SLC25A4: variants seen among roughly 807,000 people sequenced by gnomAD.
SLC25A4 encodes the protein ADP/ATP translocase 1.
A neutral mutation model predicts 24.7 loss-of-function variants in SLC25A4; 10 were observed. The ratio of observed to expected loss-of-function variants is 0.41; its 90% confidence interval spans 0.25 to 0.69. The LOEUF is 0.69. SLC25A4 is among the 30% of genes least tolerant of loss of function. The pLI is 0.35. For missense variants in SLC25A4, 273 were observed against 387.6 expected (o/e 0.70, Z 2.48); for synonymous variants, 125 against 153.3 (o/e 0.82, Z 1.36).
intron 1 of SLC25A4, 137 bp from the exon 2 acceptor site, chr4:185,144,627 T>TC: frequency 1.3e-6 from 1 of 771,952 alleles, no homozygotes; most frequent in Non-Finnish European, 2.2e-6. Context: ...TTACACGTCC[T>TC]CAGTATCCAT....
Position 185,145,934 on chromosome 4 carries a change from GT to G in SLC25A4, c.739+39del. Reference sequence around the variant, plus strand: ...TGCTCTACTCATCTAAACTTGTTTGGTTTTGCCCGAGGAGAACATTTTACAG... The same window carrying G: ...TGCTCTACTCATCTAAACTTGTTTGGTTTGCCCGAGGAGAACATTTTACAG... On this transcript the variant is annotated intron_variant, in intron 3 of 3. Transcript: ENST00000281456. This position sits in a 1 kb window ranked among gnomAD's most constrained non-coding sequence, Gnocchi z 5.5. 6.2e-7 allele frequency: 1 copy of G among 1,613,222 alleles called. No individual in the cohort carries two copies. Among genetic ancestry groups the G allele is most frequent in the East Asian group, 2.2e-5 (1 of 44,882 alleles).
At chr4:185,144,641 A>G in intron 1 of SLC25A4, 123 bp from the exon 2 acceptor site, 1 of 894,846 alleles carries the variant, frequency 1.1e-6, no homozygotes, top group Non-Finnish European at 1.8e-6. Context: ...TATCCATTTG[A>G]TTTCCTCATC....
chr4:185,150,060 C>G lies in SLC25A4; in HGVS notation c.*3089C>G, dbSNP rs1328444299. On this transcript the variant is annotated 3_prime_UTR_variant, in exon 4 of 4. Coordinates refer to ENST00000281456, the MANE Select transcript of SLC25A4 (RefSeq NM_001151.4). The stretch of plus-strand genomic sequence containing the variant: ...TTGAGGCGGCATTTACTAAACACCC[C>G]CAAGGTGCAAGGCTGCAAGAGAATC... The G allele has an allele frequency of 6.6e-6, 1 of 152,238 alleles. No individual in the cohort carries two copies. The highest frequency in any genetic ancestry group is 1.5e-5 in the Non-Finnish European group (1 of 68,050). 9.4% of individuals were successfully genotyped at this position (152,238 alleles called of 1,614,324 possible).
chr4:185,146,494 T>TA (rs1288935558), intron 3 of SLC25A4, among the ~76,000 whole-genome samples: 8 of 152,198 alleles, frequency 5.3e-5, no homozygotes, highest in African/African-American at 1.7e-4. Context: ...CGGTCCTCCA[T>TA]AAAAAAAGGT....
At chr4:185,143,755 T>G (rs1734388658) in intron 1 of SLC25A4, among the ~76,000 whole-genome samples, 1 of 151,988 alleles carries the variant, frequency 6.6e-6, no homozygotes, top group Non-Finnish European at 1.5e-5. Context: ...GGTTTACGTG[T>G]GCCAGATCCT....
Position 185,144,663 on chromosome 4 carries a change from C to CAA in SLC25A4, c.112-92_112-91dup, listed in dbSNP as rs111595982. The stretch of plus-strand genomic sequence containing the variant: ...TTGATTTCCTCATCCTTTTTTTCTT[C>CAA]AAAAAAAAAATCTAGGAAGTGCAAA... On this transcript the variant is annotated intron_variant, in intron 1 of 3. Transcript: ENST00000281456. 266 of 1,027,730 alleles carry CAA rather than the reference C, an allele frequency of 2.6e-4. 1 individual carries two copies. The highest frequency in any genetic ancestry group is 9.5e-4 in the Middle Eastern group (3 of 3,156). 63.7% of individuals were successfully genotyped at this position (1,027,730 alleles called of 1,614,324 possible).
Position 185,145,449 on chromosome 4 carries a change from C to T in SLC25A4, c.598+199C>T, listed in dbSNP as rs1734425608. On this transcript the variant is annotated intron_variant, in intron 2 of 3. Transcript: ENST00000281456. The surrounding 1 kb of genome is among the most constrained non-coding windows in gnomAD (Gnocchi z 5.5). ...TGTCCTCTACTGAAATAAACTCTGG[C>T]CTTTAGTTATTCAGAGAGGAGGAGG... The T allele has an allele frequency of 1.2e-6, 1 of 814,342 alleles. No homozygotes were observed. Among genetic ancestry groups the T allele is most frequent in the South Asian group, 1.8e-5 (1 of 55,730 alleles). The allele number at this position is 814,342 out of a possible 1,614,324, so 50.4% of individuals were successfully genotyped here.
chr4:185,144,732 T>G (rs1163471080), intron 1 of SLC25A4, 32 bp from the exon 2 acceptor site: 1 of 1,607,724 alleles, frequency 6.2e-7, no homozygotes, highest in African/African-American at 1.3e-5. Context: ...CTACCCTGCC[T>G]GTCCTCTGTC....
rs1351892846 is a variant in SLC25A4 at position 185,149,859 on chromosome 4, T to G, written c.*2888T>G. Reference sequence around the variant, plus strand: ...ATCTTTTTAAGACCTTATTTTGTATTTTAAATGTATGAGAAAAATTATGGA... The same window carrying G: ...ATCTTTTTAAGACCTTATTTTGTATGTTAAATGTATGAGAAAAATTATGGA... On this transcript the variant is annotated 3_prime_UTR_variant, in exon 4 of 4. Transcript: ENST00000281456. The G allele has an allele frequency of 1.3e-5, 2 of 152,356 alleles. No homozygotes were observed. Among genetic ancestry groups the G allele is most frequent in the East Asian group, 3.9e-4 (2 of 5,188 alleles). The allele number at this position is 152,356 out of a possible 1,614,324, so 9.4% of individuals were successfully genotyped here.
At chr4:185,144,245 T>C (rs561044714) in intron 1 of SLC25A4, among the ~76,000 whole-genome samples, 18 of 152,320 alleles carry the variant, frequency 1.2e-4, no homozygotes, top group African/African-American at 4.3e-4. Flanking sequence ...GATTATCTGC[T>C]TGAAAACTTT....
Position 185,145,858 on chromosome 4 carries a change from C to G in SLC25A4, c.698C>G (p.Thr233Ser). Residue 233 changes from threonine to serine, a missense_variant, in exon 3 of 4, where the codon ACT becomes AGT. By Grantham distance (58) the Thr-to-Ser change is moderately conservative (BLOSUM62 1). Transcript: ENST00000281456. This position sits in a 1 kb window ranked among gnomAD's most constrained non-coding sequence, Gnocchi z 5.5. Reference sequence around the variant, plus strand: ...GGGCTGGTGTCCTACCCCTTTGACACTGTTCGTCGTAGAATGATGATGCAG... The same window carrying G: ...GGGCTGGTGTCCTACCCCTTTGACAGTGTTCGTCGTAGAATGATGATGCAG... ...VAGLVSYPFD[T>S]VRRRMMMQSG... The G allele has an allele frequency of 6.2e-7, 1 of 1,614,224 alleles. No homozygotes were observed. The highest frequency in any genetic ancestry group is 8.5e-7 in the Non-Finnish European group (1 of 1,180,032).
chr4:185,144,370 A>C (rs560278262), intron 1 of SLC25A4, among the ~76,000 whole-genome samples: 2 of 152,140 alleles, frequency 1.3e-5, no homozygotes, highest in African/African-American at 4.8e-5. Flanking sequence ...TTTGGCCATC[A>C]TGTCTATTAA....
rs1048341242 is a variant in SLC25A4, at chr4:185,149,655, T to C, written c.*2684T>C. Reference sequence around the variant, plus strand: ...CTCATGCTGGAAGGTCTGGTTTACGTAAAAGTGACAAGTTGGAATTGAGCG... The same window carrying C: ...CTCATGCTGGAAGGTCTGGTTTACGCAAAAGTGACAAGTTGGAATTGAGCG... On this transcript the variant is annotated 3_prime_UTR_variant, in exon 4 of 4. Transcript: ENST00000281456. 1.3e-5 allele frequency: 2 copies of C among 152,186 alleles called. No individual in the cohort carries two copies. The highest frequency in any genetic ancestry group is 2.9e-5 in the Non-Finnish European group (2 of 68,078). 9.4% of individuals were successfully genotyped at this position (152,186 alleles called of 1,614,324 possible).
rs1331485704 is a variant in SLC25A4, at chr4:185,146,727, C to T, written c.740-87C>T. On this transcript the variant is annotated intron_variant, in intron 3 of 3. Coordinates refer to ENST00000281456, the MANE Select transcript of SLC25A4 (RefSeq NM_001151.4). ...CCCAGATGACCCTGATTTTATAAAA[C>T]TGGTAACAGTGTGTACAGATATGTT... The T allele has an allele frequency of 8.0e-6, 12 of 1,496,962 alleles. No individual in the cohort carries two copies. The Admixed American group carries it at 1.8e-4, about 23-fold the overall frequency. The allele number at this position is 1,496,962 out of a possible 1,614,324, so 92.7% of individuals were successfully genotyped here.
rs748899339 is a variant in SLC25A4 at position 185,145,186 on chromosome 4, C to A, written c.534C>A (p.Asn178Lys). Residue 178 changes from asparagine to lysine, a missense_variant, in exon 2 of 4, where the codon AAC becomes AAA. By Grantham distance (94) the Asn-to-Lys change is moderately conservative. Coordinates refer to ENST00000281456, the MANE Select transcript of SLC25A4 (RefSeq NM_001151.4). The surrounding 1 kb of genome is among the most constrained non-coding windows in gnomAD (Gnocchi z 5.5). ...DGLRGLYQGF[N>K]VSVQGIIIYR... ...TGAGGGGGCTCTACCAGGGTTTCAA[C>A]GTCTCTGTCCAAGGCATCATTATCT... is the stretch of plus-strand genomic sequence containing the variant. 6.2e-7 allele frequency: 1 copy of A among 1,613,928 alleles called. No individual in the cohort carries two copies. Among genetic ancestry groups the A allele is most frequent in the Non-Finnish European group, 8.5e-7 (1 of 1,179,980 alleles).
chr4:185,145,233 T>A lies in SLC25A4; in HGVS notation c.581T>A (p.Val194Asp), dbSNP rs1560841980. The A allele has an allele frequency of 6.2e-7, 1 of 1,613,962 alleles. No individual in the cohort carries two copies. Among genetic ancestry groups the A allele is most frequent in the Non-Finnish European group, 8.5e-7 (1 of 1,180,012 alleles). ...ATCTATAGAGCTGCCTACTTCGGAG[T>A]CTATGATACTGCCAAGGGTGAGAGA... Reference protein sequence around the residue: ...IIIYRAAYFGVYDTAKGMLPD... With the variant: ...IIIYRAAYFGDYDTAKGMLPD... The change falls in exon 2 of 4, where the codon GTC becomes GAC. Residue 194 changes from valine to aspartate, a missense_variant. Coordinates refer to ENST00000281456, the MANE Select transcript of SLC25A4 (RefSeq NM_001151.4). This position sits in a 1 kb window ranked among gnomAD's most constrained non-coding sequence, Gnocchi z 5.5.
In SLC25A4 at chr4:185,148,410, G is replaced by A. The variant is rs1261060040; in HGVS notation, c.*1439G>A. 1 of 152,164 alleles carries A rather than the reference G, an allele frequency of 6.6e-6. No homozygotes were observed. Among genetic ancestry groups the A allele is most frequent in the Non-Finnish European group, 1.5e-5 (1 of 68,038 alleles). 9.4% of individuals were successfully genotyped at this position (152,164 alleles called of 1,614,324 possible). ...AATACCTCTTAGGCCCCGTGGAAGG[G>A]AAAATAGATAGGAACCTGCCCTGAA... On this transcript the variant is annotated 3_prime_UTR_variant, in exon 4 of 4. Coordinates refer to ENST00000281456, the MANE Select transcript of SLC25A4 (RefSeq NM_001151.4).
rs1734487727 is a variant in SLC25A4, at chr4:185,148,702, G to C, written c.*1731G>C. 6.6e-6 allele frequency: 1 copy of C among 152,118 alleles called. No homozygotes were observed. The highest frequency in any genetic ancestry group is 2.4e-5 in the African/African-American group (1 of 41,414). 9.4% of individuals were successfully genotyped at this position (152,118 alleles called of 1,614,324 possible). On this transcript the variant is annotated 3_prime_UTR_variant, in exon 4 of 4. Coordinates refer to ENST00000281456, the MANE Select transcript of SLC25A4 (RefSeq NM_001151.4). ...TTTGCGAGCCAGAGGAAAATACTTA[G>C]ACTATCAGGTTGGAAAGTTCACACT...
rs371242298 is a variant in SLC25A4, at chr4:185,146,001, A to C, written c.739+102A>C. The C allele has an allele frequency of 1.2e-4, 166 of 1,378,046 alleles. No individual in the cohort carries two copies. In the African/African-American group the frequency reaches 2.1e-3, roughly 17 times the overall value. The allele number at this position is 1,378,046 out of a possible 1,614,324, so 85.4% of individuals were successfully genotyped here. A position where few individuals can be genotyped will look rare whatever the true frequency, so the allele number is the denominator to read the frequency against. On this transcript the variant is annotated intron_variant, in intron 3 of 3. Transcript: ENST00000281456. ...TCCTTACTGGAAATTAATTTTCAAA[A>C]TTATTTGATAAGGACTTAGGGAAGA...
Sources: gnomAD v4.1 joint callset for allele counts (sites outside exome capture counted in the v4.1 genomes callset) on GRCh38, gnomAD v4.1.1 for gene constraint, Gnocchi (gnomAD v3.1) non-coding constraint, MANE v1.5 for transcripts, NCBI Gene and HGNC (gene_info 2026-07-23, HGNC 2026-07-21) for gene names.